The following NXPH1 variants were observed in gnomAD, a reference collection of about 807,000 sequenced individuals.
The protein encoded by NXPH1 is neurexophilin-1.
NXPH1 carries 5 observed loss-of-function variants against 23.7 expected under a neutral mutation model. That is an observed-to-expected ratio of 0.21 (90% confidence interval 0.11 to 0.44). The LOEUF (loss-of-function observed/expected upper bound fraction) is 0.44, where lower values mean the gene tolerates loss of function less well. Ranked by LOEUF, NXPH1 falls within the 20% of genes least tolerant of loss-of-function variation. NXPH1 has a pLI of 0.99. For missense variants in NXPH1, 324 were observed against 321.6 expected, an observed-to-expected ratio of 1.01 and a Z score of -0.06; for synonymous variants, 144 against 122.2, an observed-to-expected ratio of 1.18 and a Z score of -1.18.
At chr7:8,554,283 A>G (rs763324) in intron 2 of NXPH1, among the ~76,000 whole-genome samples, 9,165 of 151,728 alleles carry the variant, frequency 0.06, 958 homozygotes, top group African/African-American at 0.21. Flanking sequence ...GCCAGGGGCA[A>G]TCCTTCAGTC....
chr7:8,465,226 C>A (rs531286056), intron 2 of NXPH1, among the ~76,000 whole-genome samples: 10 of 152,270 alleles, frequency 6.6e-5, no homozygotes, highest in African/African-American at 2.4e-4. Flanking sequence ...CCAGCTGAAA[C>A]CCCCAGAGGA....
rs1452363153 is a variant in NXPH1, at chr7:8,481,917, G to A, written c.54+46150G>A. On this transcript the variant is annotated intron_variant, in intron 2 of 2. Transcript: ENST00000405863. ...AGTTCTTGCATAGATCACACTCAGT[G>A]CTGGCAGAACAGGCTGACTAGCACC... Among the ~76,000 whole-genome samples the A allele has an allele frequency of 3.9e-5, 6 of 152,262 alleles. No homozygotes were observed. In the East Asian group the frequency reaches 9.7e-4, roughly 25 times the overall value.
At position 8,477,144 on chromosome 7, in the gene NXPH1, G is replaced by A. The variant is rs557704548; in HGVS notation, c.54+41377G>A. Among the ~76,000 whole-genome samples, 99 of 152,154 alleles carry A rather than the reference G, an allele frequency of 6.5e-4. No homozygotes were observed. The South Asian group carries it at 0.019, about 29-fold the overall frequency. On this transcript the variant is annotated intron_variant, in intron 2 of 2. Coordinates refer to ENST00000405863, the MANE Select transcript of NXPH1 (RefSeq NM_152745.3). ...TTTTCTCCTTCTTGGTTCTAAAATG[G>A]AGACAACCATATGGGGCATGACTCT...
chr7:8,594,877 A>G (rs978972017), intron 2 of NXPH1, among the ~76,000 whole-genome samples: 3 of 151,946 alleles, frequency 2.0e-5, no homozygotes, highest in African/African-American at 7.2e-5. Flanking sequence ...TTTCATGGGG[A>G]ATAAACTTCC....
intron 2 of NXPH1, among the ~76,000 whole-genome samples, chr7:8,541,565 G>A (rs1014112649): frequency 6.6e-6 from 1 of 151,550 alleles, no homozygotes; most frequent in Non-Finnish European, 1.5e-5. Flanking sequence ...TAAATATAAA[G>A]AGGGAAGGGC....
chr7:8,504,911 A>G (rs918609133), intron 2 of NXPH1, among the ~76,000 whole-genome samples: 2 of 151,942 alleles, frequency 1.3e-5, no homozygotes, highest in African/African-American at 4.8e-5. Flanking sequence ...AACCTCTAGA[A>G]CTGTGAAAAA....
chr7:8,465,051 T>C (rs1816758850), intron 2 of NXPH1, among the ~76,000 whole-genome samples: 1 of 152,172 alleles, frequency 6.6e-6, no homozygotes, highest in African/African-American at 2.4e-5. Flanking sequence ...AAGAGGCGGA[T>C]ATAGATACCA....
At chr7:8,682,699 G>C (rs1008466880) in intron 2 of NXPH1, among the ~76,000 whole-genome samples, 5 of 152,192 alleles carry the variant, frequency 3.3e-5, no homozygotes, top group African/African-American at 4.8e-5. Context: ...CTTTGGGCAT[G>C]AATAAATAGA....
intron 2 of NXPH1, among the ~76,000 whole-genome samples, chr7:8,617,290 G>A (rs374254991): frequency 1.3e-5 from 2 of 152,072 alleles, no homozygotes; most frequent in African/African-American, 4.8e-5. Flanking sequence ...AGACATGGGA[G>A]TTGAGAAAGT....
intron 2 of NXPH1, among the ~76,000 whole-genome samples, chr7:8,635,795 A>G (rs1295775233): frequency 6.6e-6 from 1 of 152,098 alleles, no homozygotes; most frequent in African/African-American, 2.4e-5. Flanking sequence ...TCTTTTTTTG[A>G]CAATTAAAAA....
At chr7:8,630,809 T>C (rs1435879707) in intron 2 of NXPH1, among the ~76,000 whole-genome samples, 2 of 152,156 alleles carry the variant, frequency 1.3e-5, no homozygotes, top group Non-Finnish European at 2.9e-5. Context: ...GGGGTATAAG[T>C]TCAGGTTTGT....
At chr7:8,625,120 G>A (rs1819960001) in intron 2 of NXPH1, among the ~76,000 whole-genome samples, 1 of 152,094 alleles carries the variant, frequency 6.6e-6, no homozygotes, top group Non-Finnish European at 1.5e-5. Flanking sequence ...GAGTCCCTAT[G>A]TAGAAATAGA....
At chr7:8,675,501 G>A (rs552489974) in intron 2 of NXPH1, among the ~76,000 whole-genome samples, 12 of 151,918 alleles carry the variant, frequency 7.9e-5, no homozygotes, top group Admixed American at 5.3e-4. Flanking sequence ...TTATTCATTC[G>A]ACAATCAGTT....
At chr7:8,621,752 C>T (rs1010341475) in intron 2 of NXPH1, among the ~76,000 whole-genome samples, 1 of 152,128 alleles carries the variant, frequency 6.6e-6, no homozygotes, top group Non-Finnish European at 1.5e-5. Context: ...TCCCAAGGTG[C>T]TGGGATTCAA....
intron 2 of NXPH1, among the ~76,000 whole-genome samples, chr7:8,670,733 A>G (rs1820856032): frequency 6.6e-6 from 1 of 152,346 alleles, no homozygotes. Flanking sequence ...AGCAATTTGA[A>G]AAAGTTTTTG....
At chr7:8,735,169 C>A (rs1385370160) in intron 2 of NXPH1, among the ~76,000 whole-genome samples, 1 of 152,118 alleles carries the variant, frequency 6.6e-6, no homozygotes, top group African/African-American at 2.4e-5. Flanking sequence ...CCAGAACTTC[C>A]AATACTATGT....
At chr7:8,558,228 A>AT (rs144167321) in intron 2 of NXPH1, among the ~76,000 whole-genome samples, 14,339 of 151,380 alleles carry the variant, frequency 0.095, 2,203 homozygotes, top group African/African-American at 0.32. Flanking sequence ...TTATTTGGTT[A>AT]TTTTTTTCGG....
chr7:8,530,218 T>C (rs984905711), intron 2 of NXPH1, among the ~76,000 whole-genome samples: 1 of 152,194 alleles, frequency 6.6e-6, no homozygotes, highest in African/African-American at 2.4e-5. Flanking sequence ...AGTTGTGAGA[T>C]GTCAGAAAGA....
At chr7:8,632,954 C>T (rs1481666907) in intron 2 of NXPH1, among the ~76,000 whole-genome samples, 1 of 152,172 alleles carries the variant, frequency 6.6e-6, no homozygotes, top group East Asian at 1.9e-4. Context: ...TACATCACTT[C>T]AGCCACAAGA....
Sources: allele counts gnomAD v4.1 joint callset (sites outside exome capture counted in the v4.1 genomes callset), GRCh38; gene constraint gnomAD v4.1.1; transcripts MANE v1.5; gene names NCBI Gene and HGNC (gene_info 2026-07-23, HGNC 2026-07-21).